Variants in SLC24A2 observed in about 807,000 individuals in gnomAD.
SLC24A2 encodes sodium/potassium/calcium exchanger 2.
SLC24A2 carries 36 observed loss-of-function variants against 62.0 expected under a neutral mutation model. The observed-to-expected ratio is 0.58, with a 90% CI of 0.44 to 0.77. The LOEUF is 0.77. Ranked by LOEUF, SLC24A2 falls within the 30% of genes least tolerant of loss-of-function variation. SLC24A2 has a pLI of 0.00. For missense variants in SLC24A2, 846 were observed against 817.9 expected (o/e 1.03, Z -0.42); for synonymous variants, 358 against 294.0 (o/e 1.22, Z -2.23).
intron 2 of SLC24A2, among the ~76,000 whole-genome samples, chr9:19,709,764 G>T (rs184520419): frequency 8.1e-5 from 8 of 98,400 alleles, no homozygotes; most frequent in Non-Finnish European, 2.0e-5. Flanking sequence ...GTGGGGGGTG[G>T]GGGGAGGGAT....
At chr9:19,983,690 C>A in the SLC24A2 span, among the ~76,000 whole-genome samples, 1 of 151,986 alleles carries the variant, frequency 6.6e-6, no homozygotes, top group African/African-American at 2.4e-5. Flanking sequence ...TGGAAATGAT[C>A]AACCTGAAAA....
chr9:19,839,174 A>G, the SLC24A2 span, among the ~76,000 whole-genome samples: 1 of 152,258 alleles, frequency 6.6e-6, no homozygotes, highest in African/African-American at 2.4e-5. Context: ...AGAAATGCAA[A>G]TGAAAACCAC....
At chr9:19,552,815 C>T (rs756801906) in intron 7 of SLC24A2, among the ~76,000 whole-genome samples, 20 of 152,206 alleles carry the variant, frequency 1.3e-4, no homozygotes, top group Non-Finnish European at 2.5e-4. Context: ...CCAAAGTCAC[C>T]AGGCAGGCAT....
chr9:20,044,891 G>A, the SLC24A2 span, among the ~76,000 whole-genome samples: 2 of 151,896 alleles, frequency 1.3e-5, no homozygotes, highest in Admixed American at 1.3e-4. Context: ...CTCAGCACAG[G>A]GTGAGCACAT....
the SLC24A2 span, among the ~76,000 whole-genome samples, chr9:20,270,734 G>A: frequency 6.6e-6 from 1 of 151,966 alleles, no homozygotes; most frequent in Admixed American, 6.6e-5. Flanking sequence ...GTTAACAATG[G>A]GACAAAAACC....
At position 19,576,576 on chromosome 9, in the gene SLC24A2, G is replaced by A. The variant is rs150131536; in HGVS notation, c.1228+348C>T. Reference sequence around the variant, plus strand: ...TTAAACATTAAATGACACTGTGTACGTGTGCGTGTATGCGTGTGCATGTAT... The same window carrying A: ...TTAAACATTAAATGACACTGTGTACATGTGCGTGTATGCGTGTGCATGTAT... On this transcript the variant is annotated intron_variant, in intron 6 of 10. Transcript: ENST00000341998. 1.1e-3 allele frequency among the ~76,000 whole-genome samples: 170 copies of A among 152,330 alleles called. 5 individuals are homozygous for A. In the East Asian group the frequency reaches 0.024, roughly 22 times the overall value.
the SLC24A2 span, among the ~76,000 whole-genome samples, chr9:20,058,340 C>G: frequency 8.8e-4 from 134 of 152,178 alleles, no homozygotes; most frequent in Middle Eastern, 3.4e-3. Context: ...AAACATAACC[C>G]TAATTTATAA....
At chr9:20,047,734 C>T in the SLC24A2 span, among the ~76,000 whole-genome samples, 2 of 150,640 alleles carry the variant, frequency 1.3e-5, no homozygotes, top group African/African-American at 2.4e-5. Flanking sequence ...TAATCCCAAC[C>T]ACGAGGGCCC....
the SLC24A2 span, among the ~76,000 whole-genome samples, chr9:19,977,314 T>A: frequency 6.6e-6 from 1 of 152,184 alleles, no homozygotes; most frequent in African/African-American, 2.4e-5. Context: ...GACATTTCAA[T>A]GAAATACTCA....
At chr9:19,541,847 C>T (rs545884936) in intron 8 of SLC24A2, among the ~76,000 whole-genome samples, 1 of 151,532 alleles carries the variant, frequency 6.6e-6, no homozygotes, top group Non-Finnish European at 1.5e-5. Flanking sequence ...GCTGTGCTAG[C>T]AATCAGCGAG....
rs1040232772 is a variant in SLC24A2, at chr9:19,581,126, C to T, written c.1130-4104G>A. On this transcript the variant is annotated intron_variant, in intron 5 of 10. Coordinates refer to ENST00000341998, the MANE Select transcript of SLC24A2 (RefSeq NM_020344.4). ...CTCTCTTCTCTCAATCCACACAGGC[C>T]GAGCTGGAGAATCAGCCACATTCAG... Among the ~76,000 whole-genome samples the T allele has an allele frequency of 1.1e-3, 164 of 152,248 alleles. 1 individual carries two copies. The highest frequency in any genetic ancestry group is 3.7e-3 in the African/African-American group (154 of 41,554).
At chr9:20,249,993 T>A in the SLC24A2 span, among the ~76,000 whole-genome samples, 1 of 152,234 alleles carries the variant, frequency 6.6e-6, no homozygotes, top group African/African-American at 2.4e-5. Flanking sequence ...TTTACATTTA[T>A]AAATTGTCTT....
At chr9:19,839,349 AT>A in the SLC24A2 span, among the ~76,000 whole-genome samples, 2 of 152,136 alleles carry the variant, frequency 1.3e-5, no homozygotes, top group African/African-American at 4.8e-5. Context: ...CCTTGTTGCT[AT>A]TTCTGTTTCA....
At chr9:19,949,155 G>C in the SLC24A2 span, among the ~76,000 whole-genome samples, 1 of 151,920 alleles carries the variant, frequency 6.6e-6, no homozygotes, top group Non-Finnish European at 1.5e-5. Context: ...CACCATGCCT[G>C]GCTAATTTTT....
the SLC24A2 span, among the ~76,000 whole-genome samples, chr9:20,219,644 C>T: frequency 5.9e-5 from 9 of 152,078 alleles, no homozygotes; most frequent in East Asian, 3.8e-4. Flanking sequence ...GATCAATGAC[C>T]GTTGGCACAG....
chr9:19,884,496 T>C, the SLC24A2 span, among the ~76,000 whole-genome samples: 1 of 152,218 alleles, frequency 6.6e-6, no homozygotes, highest in African/African-American at 2.4e-5. Flanking sequence ...TGAAAGTTTT[T>C]CATTGTGAAA....
chr9:19,698,736 A>G (rs1820268602), intron 2 of SLC24A2, among the ~76,000 whole-genome samples: 1 of 152,200 alleles, frequency 6.6e-6, no homozygotes, highest in Non-Finnish European at 1.5e-5. Flanking sequence ...AAATCCAAAT[A>G]TCAAATACAC....
At chr9:19,801,539 G>C in the SLC24A2 span, among the ~76,000 whole-genome samples, 1 of 152,242 alleles carries the variant, frequency 6.6e-6, no homozygotes, top group Non-Finnish European at 1.5e-5. Context: ...CATACAAAGG[G>C]AGGGGAACCA....
chr9:20,229,539 A>T, the SLC24A2 span, among the ~76,000 whole-genome samples: 2 of 152,152 alleles, frequency 1.3e-5, no homozygotes, highest in African/African-American at 4.8e-5. Context: ...ACAATGTGCC[A>T]GACACTAAGC....
Sources: gnomAD v4.1 joint callset for allele counts (sites outside exome capture counted in the v4.1 genomes callset) on GRCh38, gnomAD v4.1.1 for gene constraint, MANE v1.5 for transcripts, NCBI Gene and HGNC (gene_info 2026-07-23, HGNC 2026-07-21) for gene names.